Variants in CXADR observed in about 807,000 individuals in gnomAD.
The protein encoded by CXADR is CXADR cell adhesion molecule, also known as coxsackievirus and adenovirus receptor.
CXADR carries 20 observed loss-of-function variants against 40.3 expected under a neutral mutation model. The ratio of observed to expected loss-of-function variants is 0.50; its 90% CI spans 0.35 to 0.72. The LOEUF (loss-of-function observed/expected upper bound fraction) is 0.72, where lower values mean the gene tolerates loss of function less well. Among genes scored for constraint, CXADR ranks in the 30% least tolerant of loss-of-function variants. CXADR has a pLI of 0.01. For synonymous variants in CXADR, 150 were observed against 161.3 expected, an observed-to-expected ratio of 0.93 and a Z score of 0.53; for missense variants, 332 against 449.1, an observed-to-expected ratio of 0.74 and a Z score of 2.36.
intron 1 of CXADR, among the ~76,000 whole-genome samples, chr21:17,538,297 G>A (rs2060785593): frequency 6.6e-6 from 1 of 152,114 alleles, no homozygotes; most frequent in Admixed American, 6.5e-5. Context: ...ACCGCGCCCA[G>A]CAAGAGGAGG....
chr21:17,519,976 TACAC>T (rs71966376), intron 1 of CXADR, among the ~76,000 whole-genome samples: 18 of 150,130 alleles, frequency 1.2e-4, no homozygotes, highest in East Asian at 3.9e-4. Flanking sequence ...ATTATATGTA[TACAC>T]ACACACACAC....
At chr21:17,598,596 C>T in the CXADR span, 5 of 1,606,840 alleles carry the variant, frequency 3.1e-6, no homozygotes, top group South Asian at 3.3e-5. Context: ...CCCTTTAAAA[C>T]TGAGCTGTTT....
In CXADR at chr21:17,559,668, G is replaced by GTTTTTTTT. The variant is rs1491548660; in HGVS notation, c.571+537_571+538insTTTTTTTT. 2.8e-5 allele frequency among the ~76,000 whole-genome samples: 3 copies of GTTTTTTTT among 106,208 alleles called. 1 individual carries two copies. The highest frequency in any genetic ancestry group is 3.8e-5 in the African/African-American group (1 of 26,576). 69.7% of individuals were successfully genotyped at this position (106,208 alleles called of 152,430 possible). ...TTAGTTACTTTGGTACTTTTTTTTG[G>GTTTTTTTT]GTTTTTTTTTTTTTTTTTTTTTTCC... On this transcript the variant is annotated intron_variant, in intron 4 of 6. Coordinates refer to ENST00000284878, the MANE Select transcript of CXADR (RefSeq NM_001338.5).
Position 17,567,302 on chromosome 21 carries a change from A to T in CXADR, c.*1610A>T, listed in dbSNP as rs1159688203. 11 of 985,382 alleles carry T rather than the reference A, an allele frequency of 1.1e-5. No homozygotes were observed. The highest frequency in any genetic ancestry group is 1.3e-5 in the Non-Finnish European group (11 of 829,878). 61.0% of individuals were successfully genotyped at this position (985,382 alleles called of 1,614,324 possible). On this transcript the variant is annotated 3_prime_UTR_variant, in exon 7 of 7. Coordinates refer to ENST00000284878, the MANE Select transcript of CXADR (RefSeq NM_001338.5). ...ACTTTTTAATGGTAAACTTAAGCTG[A>T]ATGTGTAATGGATTTGTGTATAGTT...
intron 1 of CXADR, among the ~76,000 whole-genome samples, chr21:17,533,706 A>G (rs1406307489): frequency 2.0e-5 from 3 of 152,050 alleles, no homozygotes; most frequent in Non-Finnish European, 4.4e-5. Flanking sequence ...GTTGCTGTTT[A>G]TTGTTAAGGT....
exon 8 of CXADR, chr21:17,593,352 A>AGAT (rs2061460112): frequency 1.6e-6 from 1 of 623,744 alleles, no homozygotes. Context: ...CATGTAAGTC[A>AGAT]GATGTCATGT....
At chr21:17,580,242 A>C (rs1453165244) in intron 7 of CXADR, among the ~76,000 whole-genome samples, 2 of 152,224 alleles carry the variant, frequency 1.3e-5, no homozygotes, top group African/African-American at 4.8e-5. Flanking sequence ...AGAGTTGGCG[A>C]AAACTCTCAC....
chr21:17,594,809 C>T (rs1005748365), downstream of CXADR, among the ~76,000 whole-genome samples: 3 of 151,530 alleles, frequency 2.0e-5, no homozygotes, highest in African/African-American at 7.3e-5. Context: ...CTTATGAACA[C>T]AAAGAAGGAA....
chr21:17,573,562 A>G (rs889780873), downstream of CXADR, among the ~76,000 whole-genome samples: 11 of 152,302 alleles, frequency 7.2e-5, no homozygotes, highest in Admixed American at 2.0e-4. Context: ...TTTATTTCAA[A>G]TATGGGTGAC....
intron 7 of CXADR, among the ~76,000 whole-genome samples, chr21:17,579,763 T>C (rs2061347436): frequency 6.6e-6 from 1 of 152,072 alleles, no homozygotes; most frequent in Non-Finnish European, 1.5e-5. Flanking sequence ...GCTGGTGAGG[T>C]TTGAATCACA....
At chr21:17,563,670 G>A (rs1462009536) in intron 6 of CXADR, among the ~76,000 whole-genome samples, 8 of 151,830 alleles carry the variant, frequency 5.3e-5, no homozygotes, top group African/African-American at 9.6e-5. Flanking sequence ...GGCCGGGCAC[G>A]GTGGCTCACA....
chr21:17,603,016 C>T, the CXADR span, among the ~76,000 whole-genome samples: 1 of 152,128 alleles, frequency 6.6e-6, no homozygotes, highest in Non-Finnish European at 1.5e-5. Context: ...TGTCAGACCA[C>T]ATGACATTTT....
At chr21:17,556,186 T>C (rs2061032693) in intron 3 of CXADR, among the ~76,000 whole-genome samples, 1 of 152,222 alleles carries the variant, frequency 6.6e-6, no homozygotes, top group African/African-American at 2.4e-5. Flanking sequence ...GACAAGACTT[T>C]ATTCGTGCTC....
chr21:17,578,693 G>A (rs1206051710), intron 7 of CXADR, among the ~76,000 whole-genome samples: 1 of 152,186 alleles, frequency 6.6e-6, no homozygotes, highest in Non-Finnish European at 1.5e-5. Flanking sequence ...GCCGGGCATG[G>A]TGGCACGTGC....
chr21:17,559,668 G>GTTTTTT (rs1491548660), intron 4 of CXADR, among the ~76,000 whole-genome samples: 1 of 106,208 alleles, frequency 9.4e-6, no homozygotes, highest in African/African-American at 3.8e-5. Flanking sequence ...CTTTTTTTTG[G>GTTTTTT]GTTTTTTTTT....
chr21:17,531,136 A>G (rs1459165850), intron 1 of CXADR, among the ~76,000 whole-genome samples: 1 of 151,980 alleles, frequency 6.6e-6, no homozygotes, highest in African/African-American at 2.4e-5. Flanking sequence ...CATCTTTACT[A>G]AAAATACAAA....
chr21:17,566,359 T>C lies in CXADR; in HGVS notation c.*667T>C, dbSNP rs422668. 325,678 of 983,806 alleles carry C rather than the reference T, an allele frequency of 0.33. 54,207 individuals are homozygous for C. The highest frequency in any genetic ancestry group is 0.36 in the African/African-American group (20,668 of 57,240). The allele number at this position is 983,806 out of a possible 1,614,324, so 60.9% of individuals were successfully genotyped here. A position where few individuals can be genotyped will look rare whatever the true frequency, so the allele number is the denominator to read the frequency against. ...TACAGGTAATAGGGACTTAGCAAGC[T>C]CTTTTATATGCTAAAGGAGCATCTA... On this transcript the variant is annotated 3_prime_UTR_variant, in exon 7 of 7. Transcript: ENST00000284878.
chr21:17,590,565 C>G (rs572134019), intron 7 of CXADR, among the ~76,000 whole-genome samples: 1 of 151,980 alleles, frequency 6.6e-6, no homozygotes, highest in Non-Finnish European at 1.5e-5. Context: ...GTGACAACTT[C>G]GCAGTACGAG....
chr21:17,538,159 G>A (rs752575934), intron 1 of CXADR, among the ~76,000 whole-genome samples: 7 of 151,950 alleles, frequency 4.6e-5, no homozygotes, highest in Non-Finnish European at 5.9e-5. Flanking sequence ...GTGCCACCAC[G>A]TCCGGCTAAT....
Sources: gnomAD v4.1 joint callset for allele counts (sites outside exome capture counted in the v4.1 genomes callset) on GRCh38, gnomAD v4.1.1 for gene constraint, MANE v1.5 for transcripts, NCBI Gene and HGNC (gene_info 2026-07-23, HGNC 2026-07-21) for gene names.